The following CLTRN variants were observed in gnomAD, a reference collection of about 807,000 sequenced individuals.
CLTRN encodes the protein collectrin, amino acid transport regulator.
In CLTRN, 12 loss-of-function variants were observed where a neutral mutation model predicts 14.5. That is an observed-to-expected ratio of 0.83 (90% CI 0.53 to 1.34). The LOEUF (loss-of-function observed/expected upper bound fraction) is 1.34, where lower values mean the gene tolerates loss of function less well. CLTRN is among the 40% of genes most tolerant of loss of function. The pLI, the probability that CLTRN is intolerant of heterozygous loss-of-function variation, is 0.00. For synonymous variants in CLTRN, 58 were observed against 56.5 expected, an observed-to-expected ratio of 1.03 and a Z score of -0.12; for missense variants, 154 against 165.1, an observed-to-expected ratio of 0.93 and a Z score of 0.37.
intron 5 of CLTRN, among the ~76,000 whole-genome samples, chrX:15,636,938 C>G (rs754007192): frequency 9.0e-5 from 10 of 111,256 alleles, no homozygotes; most frequent in Non-Finnish European, 1.5e-4. Flanking sequence ...TTTGAGTTTA[C>G]CTAGTTTGGG....
At chrX:15,637,015 G>A (rs1342822869) in intron 5 of CLTRN, among the ~76,000 whole-genome samples, 1 of 111,224 alleles carries the variant, frequency 9.0e-6, no homozygotes, top group Non-Finnish European at 1.9e-5. Flanking sequence ...TATTGGCAAA[G>A]ATAACAGAAT....
intron 3 of CLTRN, among the ~76,000 whole-genome samples, chrX:15,651,119 G>T (rs890332911): frequency 9.0e-6 from 1 of 111,287 alleles, no homozygotes; most frequent in Non-Finnish European, 1.9e-5. Flanking sequence ...GAAAGAAATT[G>T]GGGGGATGGG....
Position 15,644,820 on chromosome X carries a change from T to A in CLTRN, c.317+96A>T, listed in dbSNP as rs112262309. 0.01 allele frequency: 5,431 copies of A among 519,254 alleles called. 207 individuals carry two copies. In the African/African-American group the frequency reaches 0.11, roughly 11 times the overall value. 42.8% of individuals were successfully genotyped at this position (519,254 alleles called of 1,213,427 possible). On this transcript the variant is annotated intron_variant, in intron 4 of 5. Coordinates refer to ENST00000380342, the MANE Select transcript of CLTRN (RefSeq NM_020665.6). ...GTCATTTTAATAAATAATTCATGTA[T>A]GAAACAGATAAAACTCTTCAATATC...
chrX:15,650,998 C>T (rs142593721), intron 3 of CLTRN, among the ~76,000 whole-genome samples: 2,090 of 111,359 alleles, frequency 0.019, 47 homozygotes, highest in African/African-American at 0.064. Flanking sequence ...AGTAAGAAAC[C>T]GAGGTCCAAC....
At chrX:15,674,450 G>A (rs1342087264) in intron 1 of CLTRN, among the ~76,000 whole-genome samples, 1 of 111,976 alleles carries the variant, frequency 8.9e-6, no homozygotes, top group Non-Finnish European at 1.9e-5. Flanking sequence ...AAATGGGCTG[G>A]AAGGAACACG....
At chrX:15,655,394 C>T (rs1481661113) in intron 3 of CLTRN, among the ~76,000 whole-genome samples, 1 of 112,035 alleles carries the variant, frequency 8.9e-6, no homozygotes, top group Non-Finnish European at 1.9e-5. Context: ...GGGACCTCTG[C>T]ACTGCATCTT....
intron 1 of CLTRN, among the ~76,000 whole-genome samples, chrX:15,670,067 A>G (rs1036872495): frequency 1.9e-4 from 21 of 110,711 alleles, no homozygotes; most frequent in Non-Finnish European, 3.8e-4. Context: ...CTTGAGTCCA[A>G]GAGTTCAAGA....
chrX:15,639,969 G>A (rs1052508969), intron 4 of CLTRN, among the ~76,000 whole-genome samples: 1 of 112,121 alleles, frequency 8.9e-6, no homozygotes, highest in Non-Finnish European at 1.9e-5. Flanking sequence ...GGATACCCAT[G>A]TATCCACTGC....
intron 3 of CLTRN, among the ~76,000 whole-genome samples, chrX:15,651,217 C>A (rs916524439): frequency 7.2e-5 from 8 of 111,672 alleles, no homozygotes; most frequent in African/African-American, 2.3e-4. Context: ...CATTCACTCA[C>A]AACTATTTAC....
chrX:15,675,190 A>G (rs1929811296), upstream of CLTRN, among the ~76,000 whole-genome samples: 1 of 112,455 alleles, frequency 8.9e-6, no homozygotes, highest in Admixed American at 9.3e-5. Context: ...GCAAGGGTGT[A>G]AAAAAGAAAT....
chrX:15,654,764 T>C (rs1273533991), intron 3 of CLTRN, among the ~76,000 whole-genome samples: 1 of 112,752 alleles, frequency 8.9e-6, no homozygotes, highest in Non-Finnish European at 1.9e-5. Flanking sequence ...TTCCTGGGTG[T>C]GGACCTGGTG....
chrX:15,648,950 T>C (rs763056052), intron 3 of CLTRN, among the ~76,000 whole-genome samples: 132 of 112,246 alleles, frequency 1.2e-3, no homozygotes, highest in African/African-American at 4.1e-3. Flanking sequence ...AGAAATCATG[T>C]AAAGAGTCAT....
At chrX:15,659,192 C>CTCCA (rs1555983773) in intron 2 of CLTRN, 91 bp from the exon 3 acceptor site, 4 of 329,038 alleles carry the variant, frequency 1.2e-5, no homozygotes, top group African/African-American at 1.1e-4. Flanking sequence ...CTCTCTCTCT[C>CTCCA]CACACACACA....
At position 15,636,922 on chromosome X, in the gene CLTRN, C is replaced by G. The variant is rs952763872; in HGVS notation, c.512+2640G>C. Reference sequence around the variant, plus strand: ...AAGATTATACAGGTAAAGGGCACAGCTGGTATTTGAGTTTACCTAGTTTGG... The same window carrying G: ...AAGATTATACAGGTAAAGGGCACAGGTGGTATTTGAGTTTACCTAGTTTGG... On this transcript the variant is annotated intron_variant, in intron 5 of 5. Coordinates refer to ENST00000380342, the MANE Select transcript of CLTRN (RefSeq NM_020665.6). Among the ~76,000 whole-genome samples the G allele has an allele frequency of 1.7e-4, 19 of 111,480 alleles. No homozygotes were observed. In the Admixed American group the frequency reaches 1.8e-3, roughly 11 times the overall value.
At chrX:15,634,942 A>AAATAAAT (rs1928783583) in intron 5 of CLTRN, among the ~76,000 whole-genome samples, 2 of 107,239 alleles carry the variant, frequency 1.9e-5, no homozygotes, top group African/African-American at 6.8e-5. Flanking sequence ...ATAATAATAA[A>AAATAAAT]AAATAAATAA....
chrX:15,629,558 G>T (rs1415440355), intron 5 of CLTRN, among the ~76,000 whole-genome samples: 1 of 111,018 alleles, frequency 9.0e-6, no homozygotes, highest in Non-Finnish European at 1.9e-5. Flanking sequence ...TTCAAAAAAA[G>T]AATATGGTGG....
intron 5 of CLTRN, among the ~76,000 whole-genome samples, chrX:15,632,169 A>C (rs73195524): frequency 4.5e-5 from 5 of 111,872 alleles, no homozygotes; most frequent in Admixed American, 3.8e-4. Flanking sequence ...GGAGGAAAGA[A>C]GTATCAGGTG....
At chrX:15,651,423 G>A (rs1196766572) in intron 3 of CLTRN, among the ~76,000 whole-genome samples, 1 of 110,502 alleles carries the variant, frequency 9.0e-6, no homozygotes, top group African/African-American at 3.3e-5. Flanking sequence ...CCCCACGGTG[G>A]CAGAATTTGC....
chrX:15,630,125 G>A (rs1928655810), intron 5 of CLTRN, among the ~76,000 whole-genome samples: 1 of 111,690 alleles, frequency 9.0e-6, no homozygotes, highest in African/African-American at 3.3e-5. Context: ...CTGAACAAAT[G>A]ATGAAAGGTG....
Sources: gnomAD v4.1 joint callset for allele counts (sites outside exome capture counted in the v4.1 genomes callset) on GRCh38, gnomAD v4.1.1 for gene constraint, MANE v1.5 for transcripts, NCBI Gene and HGNC (gene_info 2026-07-23, HGNC 2026-07-21) for gene names.